GABRB2: variants seen among roughly 807,000 people sequenced by gnomAD.
The protein encoded by GABRB2 is gamma-aminobutyric acid type A receptor subunit beta2, also known as gamma-aminobutyric acid receptor subunit beta-2.
In GABRB2, 16 loss-of-function variants were observed where a neutral mutation model predicts 54.7. The observed-to-expected ratio is 0.29, with a 90% CI of 0.20 to 0.44. The LOEUF (loss-of-function observed/expected upper bound fraction) is 0.44, where lower values mean the gene tolerates loss of function less well. Ranked by LOEUF, GABRB2 falls within the 20% of genes least tolerant of loss-of-function variation. GABRB2 has a pLI of 1.00. For synonymous variants in GABRB2, 244 were observed against 233.8 expected (o/e 1.04, Z -0.40); for missense variants, 355 against 644.0 (o/e 0.55, Z 4.86).
At chr5:161,402,957 T>A (rs1295895770) in intron 5 of GABRB2, among the ~76,000 whole-genome samples, 9 of 152,214 alleles carry the variant, frequency 5.9e-5, no homozygotes, top group Non-Finnish European at 1.0e-4. Context: ...TTGAATTTTT[T>A]AAAAAATCCC....
At chr5:161,382,641 G>A (rs969023703) in intron 5 of GABRB2, among the ~76,000 whole-genome samples, 8 of 152,064 alleles carry the variant, frequency 5.3e-5, no homozygotes, top group African/African-American at 1.9e-4. Flanking sequence ...CATACTCATT[G>A]TCCCATGACT....
intron 9 of GABRB2, among the ~76,000 whole-genome samples, chr5:161,313,902 A>G (rs1757948805): frequency 6.6e-6 from 1 of 152,194 alleles, no homozygotes; most frequent in Non-Finnish European, 1.5e-5. Context: ...CCGTGCTCTT[A>G]ACTGTTGGCT....
chr5:161,502,257 C>T (rs1423952588), intron 3 of GABRB2, among the ~76,000 whole-genome samples: 1 of 151,806 alleles, frequency 6.6e-6, no homozygotes, highest in African/African-American at 2.4e-5. Context: ...ATACTATAGA[C>T]TTAGCTATAT....
chr5:161,361,517 G>C (rs1365342019), intron 5 of GABRB2, among the ~76,000 whole-genome samples: 2 of 152,054 alleles, frequency 1.3e-5, no homozygotes, highest in Non-Finnish European at 2.9e-5. Context: ...GAGTTCATGA[G>C]AGTTCAGTAC....
intron 3 of GABRB2, among the ~76,000 whole-genome samples, chr5:161,480,099 C>T (rs1393184012): frequency 6.6e-6 from 1 of 151,986 alleles, no homozygotes; most frequent in Non-Finnish European, 1.5e-5. Context: ...TTGAGGCCAT[C>T]AAATGTCAGT....
intron 5 of GABRB2, among the ~76,000 whole-genome samples, chr5:161,339,403 C>T (rs1342975262): frequency 6.6e-6 from 1 of 152,154 alleles, no homozygotes; most frequent in East Asian, 1.9e-4. Context: ...AAAGCCTCTA[C>T]TTCAGGGATA....
chr5:161,524,233 G>T (rs1303583142), intron 3 of GABRB2, among the ~76,000 whole-genome samples: 2 of 151,210 alleles, frequency 1.3e-5, no homozygotes, highest in Non-Finnish European at 3.0e-5. Context: ...TATCCATATG[G>T]TATTTGGCCA....
intron 3 of GABRB2, among the ~76,000 whole-genome samples, chr5:161,491,348 G>GCGTTC (rs1759088120): frequency 6.6e-6 from 1 of 151,594 alleles, no homozygotes; most frequent in African/African-American, 2.4e-5. Context: ...CTTACCATTA[G>GCGTTC]TTAGCGTTCC....
chr5:161,328,419 T>C (rs984913317), intron 8 of GABRB2, among the ~76,000 whole-genome samples: 4 of 152,202 alleles, frequency 2.6e-5, no homozygotes, highest in Admixed American at 6.5e-5. Context: ...TTGCACATTA[T>C]CACAATTATG....
chr5:161,317,861 G>GA (rs1307548761), intron 9 of GABRB2, among the ~76,000 whole-genome samples: 1 of 151,910 alleles, frequency 6.6e-6, no homozygotes. Flanking sequence ...ATGAATGTAT[G>GA]AAAAAATGCT....
At position 161,535,686 on chromosome 5, in the gene GABRB2, G is replaced by A. The variant is rs974555920; in HGVS notation, c.237+9541C>T. 6.6e-5 allele frequency among the ~76,000 whole-genome samples: 10 copies of A among 152,232 alleles called. 1 individual carries two copies. Among genetic ancestry groups the A allele is most frequent in the African/African-American group, 2.2e-4 (9 of 41,530 alleles). On this transcript the variant is annotated intron_variant, in intron 3 of 9. Transcript: ENST00000393959. ...TGTCTCAGTTTTTATAAGAGAACTG[G>A]TTAACTTGAAGTGCATTAACACAAT...
intron 3 of GABRB2, among the ~76,000 whole-genome samples, chr5:161,473,720 T>C (rs1758510955): frequency 6.6e-6 from 1 of 151,954 alleles, no homozygotes; most frequent in South Asian, 2.1e-4. Flanking sequence ...AAAATCCTAT[T>C]TGAATATCAT....
intron 3 of GABRB2, among the ~76,000 whole-genome samples, chr5:161,475,064 T>C (rs1238463456): frequency 1.3e-5 from 2 of 151,904 alleles, no homozygotes; most frequent in Admixed American, 6.6e-5. Flanking sequence ...AAAAGAATAG[T>C]TAATTGGCAA....
chr5:161,432,980 T>C (rs1757210910), intron 4 of GABRB2, among the ~76,000 whole-genome samples: 1 of 152,204 alleles, frequency 6.6e-6, no homozygotes, highest in African/African-American at 2.4e-5. Context: ...AGCAGAATCA[T>C]ATTACATTAT....
chr5:161,474,888 C>T (rs1423499636), intron 3 of GABRB2, among the ~76,000 whole-genome samples: 1 of 151,836 alleles, frequency 6.6e-6, no homozygotes, highest in Non-Finnish European at 1.5e-5. Flanking sequence ...ATCCCTAGGC[C>T]AATACTATAA....
intron 5 of GABRB2, among the ~76,000 whole-genome samples, chr5:161,344,041 T>C (rs1245199612): frequency 1.3e-5 from 2 of 152,070 alleles, no homozygotes; most frequent in South Asian, 2.1e-4. Context: ...ACCCTTAGCA[T>C]AGCAGGAGAT....
rs188987884 is a variant in GABRB2, at chr5:161,469,243, A to G, written c.238-9399T>C. ...AGTTAAATTATAAAACTAGTATCTA[A>G]CATTACAAATATGTCTTTATGCATA... On this transcript the variant is annotated intron_variant, in intron 3 of 9. Coordinates refer to ENST00000393959, the MANE Select transcript of GABRB2 (RefSeq NM_001371727.1). Among the ~76,000 whole-genome samples the G allele has an allele frequency of 1.3e-4, 20 of 152,070 alleles. No homozygotes were observed. The East Asian group carries it at 3.9e-3, about 30-fold the overall frequency.
chr5:161,530,317 C>T (rs1258880613), intron 3 of GABRB2, among the ~76,000 whole-genome samples: 2 of 152,096 alleles, frequency 1.3e-5, no homozygotes, highest in African/African-American at 4.8e-5. Context: ...AAATGTCCCA[C>T]TAAATGACAA....
intron 3 of GABRB2, among the ~76,000 whole-genome samples, chr5:161,462,297 CA>C (rs1235185338): frequency 3.3e-5 from 5 of 152,020 alleles, no homozygotes; most frequent in Non-Finnish European, 7.4e-5. Flanking sequence ...TGTTAATTTA[CA>C]ATAGAAGCAA....
Sources: gnomAD v4.1 joint callset for allele counts (sites outside exome capture counted in the v4.1 genomes callset) on GRCh38, gnomAD v4.1.1 for gene constraint, MANE v1.5 for transcripts, NCBI Gene and HGNC (gene_info 2026-07-23, HGNC 2026-07-21) for gene names.